Variants in ASAP1 observed in about 807,000 individuals in gnomAD.
ASAP1 encodes arf-GAP with SH3 domain, ANK repeat and PH domain-containing protein 1.
In ASAP1, 43 loss-of-function variants were observed where a neutral mutation model predicts 145.2. The ratio of observed to expected loss-of-function variants is 0.30; its 90% CI spans 0.23 to 0.38. The LOEUF (loss-of-function observed/expected upper bound fraction) is 0.38. Among genes scored for constraint, ASAP1 ranks in the 10% least tolerant of loss-of-function variants. The probability of loss-of-function intolerance (pLI) is 1.00; values close to 1 mark genes in which losing one functional copy is unlikely to be tolerated. For synonymous variants in ASAP1, 546 were observed against 515.5 expected (o/e 1.06, Z -0.80); for missense variants, 1,018 against 1,355.3 (o/e 0.75, Z 3.91).
chr8:130,059,940 G>A (rs890158421), intron 28 of ASAP1, among the ~76,000 whole-genome samples: 2 of 151,856 alleles, frequency 1.3e-5, no homozygotes, highest in Middle Eastern at 3.4e-3. Context: ...AAAGCCAGGC[G>A]TAGTGATATG....
intron 13 of ASAP1, among the ~76,000 whole-genome samples, chr8:130,145,843 C>CTT (rs34484540): frequency 7.9e-5 from 11 of 139,176 alleles, no homozygotes; most frequent in Non-Finnish European, 1.1e-4. Context: ...CAAAGTAAAA[C>CTT]TTTTTTTTTT....
intron 27 of ASAP1, among the ~76,000 whole-genome samples, chr8:130,072,790 G>GGTGTGTGTGTGTGTGTGTGTGTGT (rs142924621): frequency 0.015 from 1,006 of 65,908 alleles, 203 homozygotes; most frequent in African/African-American, 0.015. Context: ...ACTTGCAATT[G>GGTGTGTGTGTGTGTGTGTGTGTGT]ATATGTGTGT....
chr8:130,386,151 T>G (rs887302820), intron 2 of ASAP1, among the ~76,000 whole-genome samples: 1 of 152,068 alleles, frequency 6.6e-6, no homozygotes, highest in African/African-American at 2.4e-5. Flanking sequence ...TTGGAGAACC[T>G]GAGAATACAG....
chr8:130,380,161 A>G (rs751363402), intron 2 of ASAP1, among the ~76,000 whole-genome samples: 1 of 152,180 alleles, frequency 6.6e-6, no homozygotes, highest in Non-Finnish European at 1.5e-5. Flanking sequence ...TCTATTTGGG[A>G]AGTGATCCCA....
chr8:130,054,947 G>T, intron 29 of ASAP1, 142 bp from the exon 30 acceptor site: 1 of 679,478 alleles, frequency 1.5e-6, no homozygotes, highest in South Asian at 1.6e-5. Flanking sequence ...ACCCTTTAGT[G>T]AACTACAGAG....
chr8:130,246,495 G>A (rs752657935), intron 3 of ASAP1, among the ~76,000 whole-genome samples: 2 of 152,080 alleles, frequency 1.3e-5, no homozygotes, highest in Non-Finnish European at 1.5e-5. Context: ...TAGTGAGTGA[G>A]TTCTCACAAG....
intron 9 of ASAP1, among the ~76,000 whole-genome samples, chr8:130,171,280 G>A (rs1309760477): frequency 2.6e-5 from 4 of 151,982 alleles, no homozygotes; most frequent in Non-Finnish European, 5.9e-5. Context: ...CTATACCTGT[G>A]TAGTAGTACG....
chr8:130,277,703 G>C (rs1247369359), intron 3 of ASAP1, among the ~76,000 whole-genome samples: 1 of 152,190 alleles, frequency 6.6e-6, no homozygotes, highest in East Asian at 1.9e-4. Context: ...AACACCACCA[G>C]CAAGCAGCCA....
intron 24 of ASAP1, among the ~76,000 whole-genome samples, chr8:130,100,636 CTTCTT>C (rs1267317693): frequency 6.6e-6 from 1 of 152,220 alleles, no homozygotes; most frequent in Non-Finnish European, 1.5e-5. Context: ...GCCTCTACTT[CTTCTT>C]TTGAGAAATG....
intron 3 of ASAP1, among the ~76,000 whole-genome samples, chr8:130,240,478 AAAC>A (rs1162951103): frequency 6.6e-6 from 1 of 152,170 alleles, no homozygotes; most frequent in African/African-American, 2.4e-5. Context: ...CATAAATGCC[AAAC>A]AACAACTGCA....
chr8:130,250,021 T>C (rs1305215551), intron 3 of ASAP1, among the ~76,000 whole-genome samples: 1 of 152,264 alleles, frequency 6.6e-6, no homozygotes, highest in Admixed American at 6.5e-5. Flanking sequence ...GAAATTTTAA[T>C]TTAAAAAAAA....
chr8:130,150,546 G>T (rs1204035741), intron 13 of ASAP1, among the ~76,000 whole-genome samples: 1 of 152,162 alleles, frequency 6.6e-6, no homozygotes, highest in African/African-American at 2.4e-5. Context: ...AATCCCAGGG[G>T]AGAGCTCTGC....
At chr8:130,155,297 C>G (rs1422475473) in intron 12 of ASAP1, among the ~76,000 whole-genome samples, 1 of 152,200 alleles carries the variant, frequency 6.6e-6, no homozygotes, top group Non-Finnish European at 1.5e-5. Context: ...GACTGAGGCA[C>G]TTTCAGATCG....
chr8:130,228,801 C>A (rs1449929919), intron 4 of ASAP1, among the ~76,000 whole-genome samples: 5 of 151,506 alleles, frequency 3.3e-5, no homozygotes. Context: ...TTTAAAAAGA[C>A]CAGTGGCTAT....
At chr8:130,355,416 A>G (rs1167314781) in intron 3 of ASAP1, among the ~76,000 whole-genome samples, 2 of 152,240 alleles carry the variant, frequency 1.3e-5, no homozygotes, top group East Asian at 1.9e-4. Context: ...GGTACTTACT[A>G]GAACTAGGAA....
rs139590648 is a variant in ASAP1 at position 130,151,053 on chromosome 8, T to C, written c.1080+1683A>G. Among the ~76,000 whole-genome samples, 521 of 152,136 alleles carry C rather than the reference T, an allele frequency of 3.4e-3. 5 individuals carry two copies. Among genetic ancestry groups the C allele is most frequent in the African/African-American group, 0.012 (500 of 41,520 alleles). On this transcript the variant is annotated intron_variant, in intron 13 of 29. Coordinates refer to ENST00000518721, the MANE Select transcript of ASAP1 (RefSeq NM_018482.4). ...CATCTTTGATGCCTACACCAGAACA[T>C]GGCAGAATGGAAGCTTAACAAAAGA... is the stretch of plus-strand genomic sequence containing the variant.
intron 3 of ASAP1, among the ~76,000 whole-genome samples, chr8:130,332,272 A>G (rs1291043671): frequency 6.6e-6 from 1 of 152,232 alleles, no homozygotes; most frequent in East Asian, 1.9e-4. Context: ...TCTACACCAT[A>G]TCACCAATGG....
intron 24 of ASAP1, among the ~76,000 whole-genome samples, chr8:130,111,860 T>A (rs2097547447): frequency 6.6e-6 from 1 of 152,300 alleles, no homozygotes; most frequent in Non-Finnish European, 1.5e-5. Context: ...TTCACAGGAT[T>A]GTTGTAAGGT....
chr8:130,158,506 G>A (rs1300465826), intron 12 of ASAP1, among the ~76,000 whole-genome samples: 1 of 152,032 alleles, frequency 6.6e-6, no homozygotes, highest in Non-Finnish European at 1.5e-5. Flanking sequence ...ACAGAGCAAG[G>A]TCCTGTCCCC....
Sources: allele counts gnomAD v4.1 joint callset (sites outside exome capture counted in the v4.1 genomes callset), GRCh38; gene constraint gnomAD v4.1.1; transcripts MANE v1.5; gene names NCBI Gene and HGNC (gene_info 2026-07-23, HGNC 2026-07-21).